Variants in LMOD3 observed in about 807,000 individuals in gnomAD.
The protein encoded by LMOD3 is leiomodin-3.
Under a neutral mutation model 41.8 loss-of-function variants are expected in LMOD3, and 31 were observed. The ratio of observed to expected loss-of-function variants is 0.74; its 90% CI spans 0.56 to 1.00. The LOEUF (loss-of-function observed/expected upper bound fraction) is 1.00. Among genes scored for constraint, LMOD3 ranks in the 50% least tolerant of loss-of-function variants. LMOD3 has a pLI of 0.00. For synonymous variants in LMOD3, 292 were observed against 241.9 expected, an observed-to-expected ratio of 1.21 and a Z score of -1.92; for missense variants, 755 against 679.5, an observed-to-expected ratio of 1.11 and a Z score of -1.23.
rs781435880 is a variant in LMOD3, at chr3:69,122,122, G to C, written c.265C>G (p.Arg89Gly). ...KASRRMLEEERVPVTFVKSEE... is the reference protein window; with the variant it reads ...KASRRMLEEEGVPVTFVKSEE... ...GATTTCACAAAGGTGACAGGAACTC[G>C]TTCCTCTTCCAGCATGCGCCTGGAT... is the stretch of plus-strand genomic sequence containing the variant. The change falls in exon 1 of 3, where the codon CGA becomes GGA. Residue 89 changes from arginine to glycine, a missense_variant. Coordinates refer to ENST00000420581, the MANE Select transcript of LMOD3 (RefSeq NM_198271.5). 2 of 1,612,348 alleles carry C rather than the reference G, an allele frequency of 1.2e-6. No homozygotes were observed. Among genetic ancestry groups the C allele is most frequent in the South Asian group, 2.2e-5 (2 of 90,668 alleles).
In LMOD3 at chr3:69,107,464, T is replaced by TTTTTTG. The variant is rs2092328067; in HGVS notation, c.*1630_*1631insCAAAAA. On this transcript the variant is annotated 3_prime_UTR_variant, in exon 3 of 3. Coordinates refer to ENST00000420581, the MANE Select transcript of LMOD3 (RefSeq NM_198271.5). The stretch of plus-strand genomic sequence containing the variant: ...AAAAGGCACCAAAGGTTTTTTTTTT[T>TTTTTTG]TTTTTTTTTTTTTTTTTTTTTTTTT... 1.1e-5 allele frequency: 1 copy of TTTTTTG among 90,956 alleles called. No individual in the cohort carries two copies. Among genetic ancestry groups the TTTTTTG allele is most frequent in the African/African-American group, 5.4e-5 (1 of 18,370 alleles). The allele number at this position is 90,956 out of a possible 1,614,324, so 5.6% of individuals were successfully genotyped here.
intron 2 of LMOD3, among the ~76,000 whole-genome samples, chr3:69,115,059 G>A (rs955728000): frequency 6.6e-6 from 1 of 152,100 alleles, no homozygotes; most frequent in African/African-American, 2.4e-5. Flanking sequence ...GTAGAAACAG[G>A]ATCTCACTTT....
chr3:69,117,456 TG>T (rs2092380211), intron 2 of LMOD3, among the ~76,000 whole-genome samples: 1 of 152,238 alleles, frequency 6.6e-6, no homozygotes, highest in Admixed American at 6.5e-5. Context: ...CATAATCTCG[TG>T]GCTATATTAC....
Position 69,117,593 on chromosome 3 carries a change from G to T in LMOD3, c.1656+1106C>A, listed in dbSNP as rs547437955. ...TTCATTTCTGCAACTTAAGTTGCACGGAAAATAACTTTTCCACTCGGCAGT... is the reference window on the plus strand; with the variant it reads ...TTCATTTCTGCAACTTAAGTTGCACTGAAAATAACTTTTCCACTCGGCAGT... On this transcript the variant is annotated intron_variant, in intron 2 of 2. Coordinates refer to ENST00000420581, the MANE Select transcript of LMOD3 (RefSeq NM_198271.5). Among the ~76,000 whole-genome samples, 9 of 152,136 alleles carry T rather than the reference G, an allele frequency of 5.9e-5. No homozygotes were observed. In the South Asian group the frequency reaches 1.7e-3, roughly 28 times the overall value.
In LMOD3 at chr3:69,107,466, T is replaced by TTTTTTTTG. The variant is rs2092328159; in HGVS notation, c.*1628_*1629insCAAAAAAA. ...AAGGCACCAAAGGTTTTTTTTTTTTTTTTTTTTTTTTTTTTTTTTTTTTTT... is the reference window on the plus strand; with the variant it reads ...AAGGCACCAAAGGTTTTTTTTTTTTTTTTTTTTGTTTTTTTTTTTTTTTTTTTTTTTTT... On this transcript the variant is annotated 3_prime_UTR_variant, in exon 3 of 3. Coordinates refer to ENST00000420581, the MANE Select transcript of LMOD3 (RefSeq NM_198271.5). 1.1e-5 allele frequency: 1 copy of TTTTTTTTG among 93,828 alleles called. No individual in the cohort carries two copies. Among genetic ancestry groups the TTTTTTTTG allele is most frequent in the African/African-American group, 5.2e-5 (1 of 19,134 alleles). The allele number at this position is 93,828 out of a possible 1,614,324, so 5.8% of individuals were successfully genotyped here. A position where few individuals can be genotyped will look rare whatever the true frequency, so the allele number is the denominator to read the frequency against.
Position 69,108,835 on chromosome 3 carries a change from C to T in LMOD3, c.*260G>A. ...CTTCGGGAAATATGACTCTAAATTT[C>T]ACCTGAGTCACTCAAATTGATTGCA... On this transcript the variant is annotated 3_prime_UTR_variant, in exon 3 of 3. Coordinates refer to ENST00000420581, the MANE Select transcript of LMOD3 (RefSeq NM_198271.5). 2.7e-6 allele frequency: 1 copy of T among 364,178 alleles called. No homozygotes were observed. Among genetic ancestry groups the T allele is most frequent in the Non-Finnish European group, 4.9e-6 (1 of 205,000 alleles). 22.6% of individuals were successfully genotyped at this position (364,178 alleles called of 1,614,324 possible).
In LMOD3 at chr3:69,122,483, G is replaced by A. The variant is rs374373092; in HGVS notation, c.-97C>T. 4.5e-4 allele frequency: 415 copies of A among 928,780 alleles called. 2 individuals carry two copies. Among genetic ancestry groups the A allele is most frequent in the South Asian group, 2.9e-3 (156 of 54,508 alleles). The allele number at this position is 928,780 out of a possible 1,614,324, so 57.5% of individuals were successfully genotyped here. ...GCCTCAAGAAGGTCCCCCAGTTAAC[G>A]AGTGTCCCAAGTTAACACACCCTTG... On this transcript the variant is annotated 5_prime_UTR_variant, in exon 1 of 3. Transcript: ENST00000420581.
intron 2 of LMOD3, among the ~76,000 whole-genome samples, chr3:69,117,050 C>G (rs752705658): frequency 1.3e-5 from 2 of 152,216 alleles, no homozygotes; most frequent in Non-Finnish European, 2.9e-5. Context: ...GAACTAGTTT[C>G]TCTCAAACAA....
At chr3:69,111,454 A>C (rs930839240) in intron 2 of LMOD3, among the ~76,000 whole-genome samples, 9 of 152,268 alleles carry the variant, frequency 5.9e-5, no homozygotes, top group African/African-American at 2.2e-4. Flanking sequence ...AGCTGCAATA[A>C]ATAGTTAAAA....
In LMOD3 at chr3:69,108,993, T is replaced by C. The variant is rs950552103; in HGVS notation, c.*102A>G. 2.9e-6 allele frequency: 3 copies of C among 1,032,866 alleles called. No homozygotes were observed. Among genetic ancestry groups the C allele is most frequent in the Non-Finnish European group, 4.4e-6 (3 of 689,318 alleles). 64.0% of individuals were successfully genotyped at this position (1,032,866 alleles called of 1,614,324 possible). A position where few individuals can be genotyped will look rare whatever the true frequency, so the allele number is the denominator to read the frequency against. On this transcript the variant is annotated 3_prime_UTR_variant, in exon 3 of 3. Coordinates refer to ENST00000420581, the MANE Select transcript of LMOD3 (RefSeq NM_198271.5). ...CAGATGGTAGCATTGTTTCCAGTTC[T>C]GCCACGTGGATCCTAAAGTATTGCT...
Position 69,107,710 on chromosome 3 carries a change from C to T in LMOD3, c.*1385G>A, listed in dbSNP as rs13068879. The T allele has an allele frequency of 6.3e-4, 96 of 151,990 alleles. No individual in the cohort carries two copies. The highest frequency in any genetic ancestry group is 2.3e-3 in the African/African-American group (94 of 41,438). The allele number at this position is 151,990 out of a possible 1,614,324, so 9.4% of individuals were successfully genotyped here. A position where few individuals can be genotyped will look rare whatever the true frequency, so the allele number is the denominator to read the frequency against. ...CAGGCTGGTCTCGAACTCCTGACCT[C>T]TGGAGATCCTCCCTCCCTGGCCTCC... On this transcript the variant is annotated 3_prime_UTR_variant, in exon 3 of 3. Transcript: ENST00000420581.
intron 1 of LMOD3, among the ~76,000 whole-genome samples, chr3:69,120,341 G>T (rs1037283129): frequency 1.6e-4 from 24 of 151,886 alleles, no homozygotes; most frequent in African/African-American, 5.3e-4. Context: ...TCATAGAATT[G>T]TTCATCGATA....
At chr3:69,111,098 T>C (rs1214679378) in intron 2 of LMOD3, among the ~76,000 whole-genome samples, 1 of 152,012 alleles carries the variant, frequency 6.6e-6, no homozygotes, top group Non-Finnish European at 1.5e-5. Context: ...CCCCAGGGCA[T>C]TTGTATAACA....
chr3:69,118,541 G>A (rs996246139), intron 2 of LMOD3, among the ~76,000 whole-genome samples, 158 bp downstream of exon 2: 2 of 152,008 alleles, frequency 1.3e-5, no homozygotes, highest in African/African-American at 4.8e-5. Context: ...CATCCTTAGG[G>A]ATAGCAGTAA....
Position 69,122,116 on chromosome 3 carries a change from G to C in LMOD3, c.271C>G (p.Pro91Ala). The C allele has an allele frequency of 6.2e-7, 1 of 1,612,010 alleles. No homozygotes were observed. The highest frequency in any genetic ancestry group is 8.5e-7 in the Non-Finnish European group (1 of 1,179,016). ...SRRMLEEERVPVTFVKSEEKT... is the reference protein window; with the variant it reads ...SRRMLEEERVAVTFVKSEEKT... ...ACCTCGGATTTCACAAAGGTGACAG[G>C]AACTCGTTCCTCTTCCAGCATGCGC... is the stretch of plus-strand genomic sequence containing the variant. The change falls in exon 1 of 3, where the codon CCT (proline) becomes GCT (alanine). Residue 91 changes from proline to alanine, a missense_variant. Coordinates refer to ENST00000420581, the MANE Select transcript of LMOD3 (RefSeq NM_198271.5).
At chr3:69,114,194 CAGATCTGATGTTCCAAGTGGTGCT>C (rs2092361391) in intron 2 of LMOD3, among the ~76,000 whole-genome samples, 1 of 152,082 alleles carries the variant, frequency 6.6e-6, no homozygotes, top group South Asian at 2.1e-4. Flanking sequence ...GCAGTGTGGC[CAGATCTGATGTTCCAAGTGGTGCT>C]AGATATCTGG....
intron 2 of LMOD3, among the ~76,000 whole-genome samples, chr3:69,110,853 A>AAAAAAATAT (rs1458630453): frequency 3.8e-5 from 4 of 104,168 alleles, no homozygotes; most frequent in African/African-American, 1.9e-4. Flanking sequence ...AAAAAAAAAA[A>AAAAAAATAT]ATATATATAT....
In LMOD3 at chr3:69,122,359, G is replaced by C. The variant is rs984710671; in HGVS notation, c.28C>G (p.Gln10Glu). 1.2e-6 allele frequency: 2 copies of C among 1,610,188 alleles called. No individual in the cohort carries two copies. Among genetic ancestry groups the C allele is most frequent in the Non-Finnish European group, 1.7e-6 (2 of 1,177,388 alleles). MSEHSRNSDQEELLDEEINE... is the reference protein window; with the variant it reads MSEHSRNSDEEELLDEEINE... ...ATCTCCTCATCGAGAAGTTCTTCTT[G>C]ATCTGAATTTCTGCTGTGCTCTGAC... Residue 10 changes from glutamine (Q) to glutamate (E), a missense_variant, in exon 1 of 3, where the codon CAA becomes GAA. Physicochemically the swap from Gln to Glu is conservative, Grantham distance 29. Transcript: ENST00000420581.
chr3:69,118,773 G>T lies in LMOD3; in HGVS notation c.1582C>A (p.Pro528Thr). Residue 528 changes from proline (P) to threonine (T), a missense_variant, in exon 2 of 3, where the codon CCA becomes ACA. Physicochemically the swap from Pro to Thr is conservative, Grantham distance 38 (BLOSUM62 -1). Transcript: ENST00000420581. Reference protein sequence around the residue: ...LKPVPRNRPPPLVEITPRDQL... With the variant: ...LKPVPRNRPPTLVEITPRDQL... Reference sequence around the variant, plus strand: ...TCTCTGGGAGTGATTTCCACCAATGGGGGTGGCCTGTTTCTCGGCACTGGC... The same window carrying T: ...TCTCTGGGAGTGATTTCCACCAATGTGGGTGGCCTGTTTCTCGGCACTGGC... 7 of 1,611,966 alleles carry T rather than the reference G, an allele frequency of 4.3e-6. No individual in the cohort carries two copies. Among genetic ancestry groups the T allele is most frequent in the Non-Finnish European group, 5.9e-6 (7 of 1,179,470 alleles).
Sources: allele counts gnomAD v4.1 joint callset (sites outside exome capture counted in the v4.1 genomes callset), GRCh38; gene constraint gnomAD v4.1.1; transcripts MANE v1.5; gene names NCBI Gene and HGNC (gene_info 2026-07-23, HGNC 2026-07-21).